PCDHA9: variants seen among roughly 807,000 people sequenced by gnomAD.
PCDHA9 encodes protocadherin alpha-9.
In PCDHA9, 62 loss-of-function variants were observed where a neutral mutation model predicts 62.0. The ratio of observed to expected loss-of-function variants is 1.00; its 90% confidence interval spans 0.81 to 1.23. The LOEUF (loss-of-function observed/expected upper bound fraction) is 1.23. Among genes scored for constraint, PCDHA9 ranks in the 50% most tolerant of loss-of-function variants. The pLI is 0.00. For missense variants in PCDHA9, 1,205 were observed against 1,249.8 expected (o/e 0.96, Z 0.54); for synonymous variants, 557 against 567.6 (o/e 0.98, Z 0.27).
chr5:140,947,249 C>T (rs1178030042), intron 1 of PCDHA9, among the ~76,000 whole-genome samples: 3 of 151,204 alleles, frequency 2.0e-5, no homozygotes, highest in African/African-American at 7.3e-5. Flanking sequence ...TAAGATAATC[C>T]AATGTACCAT....
chr5:140,854,873 T>C (rs575703507), intron 1 of PCDHA9, among the ~76,000 whole-genome samples: 7 of 150,078 alleles, frequency 4.7e-5, no homozygotes, highest in African/African-American at 1.7e-4. Flanking sequence ...TTCAGAACTG[T>C]GTCTTTTGGG....
intron 2 of PCDHA9, 158 bp downstream of exon 2, chr5:140,979,165 A>G (rs1586797430): frequency 1.0e-6 from 1 of 970,900 alleles, no homozygotes; most frequent in South Asian, 4.8e-5. Flanking sequence ...TTATTCCTTG[A>G]AAGATCGCAA....
At chr5:140,936,291 A>G (rs996685658) in intron 1 of PCDHA9, among the ~76,000 whole-genome samples, 2 of 152,174 alleles carry the variant, frequency 1.3e-5, no homozygotes, top group African/African-American at 4.8e-5. Flanking sequence ...CTTCTATAAC[A>G]TTGCTATCCA....
chr5:140,850,260 G>A lies in PCDHA9; in HGVS notation c.1765G>A (p.Val589Ile), dbSNP rs371305325. ...GGTGCTGCGGTCGGTGGGCGCCGGC[G>A]TAGTGGTGGGGAAGGTGCGCGCAGT... ...EMVLRSVGAG[V>I]VVGKVRAVDA... Residue 589 changes from valine (V) to isoleucine (I), a missense_variant, in exon 1 of 4, where the codon GTA (valine) becomes ATA (isoleucine). Physicochemically the swap from Val to Ile is conservative, Grantham distance 29. This residue lies in a region of PCDHA9 where 887 missense variants were observed against 809.5 expected (regional missense o/e 1.10). Coordinates refer to ENST00000532602, the MANE Select transcript of PCDHA9 (RefSeq NM_031857.2). 17 of 1,594,256 alleles carry A rather than the reference G, an allele frequency of 1.1e-5. 2 individuals are homozygous for A. The highest frequency in any genetic ancestry group is 4.0e-5 in the African/African-American group (3 of 74,174).
chr5:140,863,653 T>C (rs2048107718), intron 1 of PCDHA9: 1 of 297,060 alleles, frequency 3.4e-6, no homozygotes, highest in Admixed American at 4.5e-5. Flanking sequence ...ATTAATTTGA[T>C]TGCTTTATTT....
At chr5:141,004,497 T>C (rs2098168493) in intron 3 of PCDHA9, among the ~76,000 whole-genome samples, 1 of 152,218 alleles carries the variant, frequency 6.6e-6, no homozygotes, top group South Asian at 2.1e-4. Context: ...TTGGCAGTCC[T>C]GCTGTGAGGG....
chr5:140,850,802 C>T lies in PCDHA9; in HGVS notation c.2307C>T (p.Leu769=). ...GCGAGGGTAAGCAGAAGACCGACCT[C>T]ATGGCCTTCAGCCCGGGCCTTTCTC... ...CSGEGKQKTD[L]MAFSPGLSPC... The change falls in exon 1 of 4, where the codon CTC becomes CTT. Residue 769 remains leucine (L), a synonymous_variant. Transcript: ENST00000532602. 1 of 1,598,420 alleles carries T rather than the reference C, an allele frequency of 6.3e-7. No homozygotes were observed. The highest frequency in any genetic ancestry group is 8.6e-7 in the Non-Finnish European group (1 of 1,167,772).
intron 1 of PCDHA9, chr5:140,856,399 T>A: frequency 6.3e-7 from 1 of 1,598,492 alleles, no homozygotes; most frequent in Admixed American, 1.7e-5. Flanking sequence ...AGGTTTTCCA[T>A]GTGGACGTGG....
At chr5:140,857,744 G>T (rs1374937613) in intron 1 of PCDHA9, 1 of 1,597,416 alleles carries the variant, frequency 6.3e-7, no homozygotes, top group Non-Finnish European at 8.6e-7. Context: ...CGCGCTGCTG[G>T]CGTCTCCCGC....
intron 1 of PCDHA9, among the ~76,000 whole-genome samples, chr5:140,940,028 G>C (rs782276273): frequency 3.2e-4 from 48 of 152,048 alleles, no homozygotes; most frequent in Non-Finnish European, 5.4e-4. Context: ...ATGTTTTAAG[G>C]CTATTTTATT....
chr5:140,970,854 T>G (rs2096437899), intron 1 of PCDHA9, among the ~76,000 whole-genome samples: 1 of 152,148 alleles, frequency 6.6e-6, no homozygotes, highest in Non-Finnish European at 1.5e-5. Flanking sequence ...GCACAAAAGT[T>G]CCATTCCTGA....
chr5:140,871,419 C>A (rs1554165566), intron 1 of PCDHA9: 1 of 1,613,732 alleles, frequency 6.2e-7, no homozygotes. Flanking sequence ...TGGCCTTCAG[C>A]CCCAGTCTTC....
At chr5:140,947,454 C>T (rs138457341) in intron 1 of PCDHA9, among the ~76,000 whole-genome samples, 1 of 151,582 alleles carries the variant, frequency 6.6e-6, no homozygotes, top group Non-Finnish European at 1.5e-5. Flanking sequence ...ATCCTCCAAC[C>T]TTGTTCTACT....
chr5:140,941,239 C>CTTTCTTTCTTTCTTTA (rs2092937531), intron 1 of PCDHA9, among the ~76,000 whole-genome samples: 1 of 134,502 alleles, frequency 7.4e-6, no homozygotes, highest in African/African-American at 2.9e-5. Context: ...TTCTTTCTTT[C>CTTTCTTTCTTTCTTTA]TTTCTTTCTT....
intron 3 of PCDHA9, among the ~76,000 whole-genome samples, chr5:140,990,780 GACGATGA>G (rs1554251732): frequency 6.6e-6 from 1 of 152,192 alleles, no homozygotes; most frequent in Non-Finnish European, 1.5e-5. Flanking sequence ...CTCTGTGTTG[GACGATGA>G]ACCATGGAAT....
chr5:140,882,501 A>G lies in PCDHA9; in HGVS notation c.2394+31612A>G, dbSNP rs782169319. On this transcript the variant is annotated intron_variant, in intron 1 of 3. Transcript: ENST00000532602. Reference sequence around the variant, plus strand: ...AGACACGGGGACCTTCTGGAGGTAAATCTGCAGAATGGCATTTTGTTTGTG... The same window carrying G: ...AGACACGGGGACCTTCTGGAGGTAAGTCTGCAGAATGGCATTTTGTTTGTG... 1 of 1,614,098 alleles carries G rather than the reference A, an allele frequency of 6.2e-7. No individual in the cohort carries two copies. Among genetic ancestry groups the G allele is most frequent in the Non-Finnish European group, 8.5e-7 (1 of 1,180,032 alleles).
intron 1 of PCDHA9, chr5:140,862,568 C>A: frequency 2.1e-6 from 1 of 480,650 alleles, no homozygotes; most frequent in African/African-American, 2.0e-5. Context: ...AACCACAATG[C>A]CCTGGCGTTC....
intron 3 of PCDHA9, among the ~76,000 whole-genome samples, chr5:141,005,605 G>A (rs1366861614): frequency 7.3e-5 from 11 of 150,146 alleles, no homozygotes; most frequent in African/African-American, 2.7e-4. Context: ...AGGAGGCTGA[G>A]GCAGGAGAAT....
At chr5:140,877,599 C>A in intron 1 of PCDHA9, 1 of 1,613,882 alleles carries the variant, frequency 6.2e-7, no homozygotes, top group South Asian at 1.1e-5. Flanking sequence ...CGGTGTCCAG[C>A]CTGCTGGTGC....
Sources: allele counts gnomAD v4.1 joint callset (sites outside exome capture counted in the v4.1 genomes callset), GRCh38; gene constraint gnomAD v4.1.1; regional missense constraint gnomAD v4.1.1; transcripts MANE v1.5; gene names NCBI Gene and HGNC (gene_info 2026-07-23, HGNC 2026-07-21).